The following DPP10 variants were observed in gnomAD, a reference collection of about 807,000 sequenced individuals.
DPP10 encodes the protein dipeptidyl peptidase like 10.
A neutral mutation model predicts 120.9 loss-of-function variants in DPP10; 33 were observed. The ratio of observed to expected loss-of-function variants is 0.27; its 90% CI spans 0.21 to 0.37. The LOEUF is 0.37. DPP10 is among the 10% of genes least tolerant of loss of function. DPP10 has a pLI of 1.00. For missense variants in DPP10, 816 were observed against 942.8 expected (o/e 0.87, Z 1.76); for synonymous variants, 337 against 326.1 (o/e 1.03, Z -0.36).
At chr2:114,909,881 A>C (rs1308761409) in intron 1 of DPP10, among the ~76,000 whole-genome samples, 1 of 151,746 alleles carries the variant, frequency 6.6e-6, no homozygotes, top group Non-Finnish European at 1.5e-5. Context: ...GGAAACATCT[A>C]AAAAAATAAG....
At chr2:114,833,952 G>C (rs1232945261) in intron 1 of DPP10, 1 of 152,008 alleles carries the variant, frequency 6.6e-6, no homozygotes, top group Non-Finnish European at 1.5e-5. Context: ...ATCTGCCAAA[G>C]TATAATGATT....
At chr2:114,891,288 C>T (rs992256957) in intron 1 of DPP10, among the ~76,000 whole-genome samples, 2 of 152,072 alleles carry the variant, frequency 1.3e-5, no homozygotes, top group East Asian at 1.9e-4. Flanking sequence ...AAGGGAAAAA[C>T]GCACCGTGGG....
At chr2:114,456,847 A>G (rs1033841435) in intron 1 of DPP10, among the ~76,000 whole-genome samples, 1 of 152,218 alleles carries the variant, frequency 6.6e-6, no homozygotes, top group African/African-American at 2.4e-5. Context: ...AAGCCAGCAT[A>G]AAGTGGGGAA....
chr2:114,982,522 T>C (rs1418305632), intron 1 of DPP10, among the ~76,000 whole-genome samples: 1 of 152,194 alleles, frequency 6.6e-6, no homozygotes, highest in Non-Finnish European at 1.5e-5. Flanking sequence ...AAGCCTTCTT[T>C]AAAATTAATG....
intron 1 of DPP10, among the ~76,000 whole-genome samples, chr2:114,550,186 C>T (rs749377810): frequency 2.6e-5 from 4 of 152,146 alleles, no homozygotes; most frequent in Admixed American, 6.5e-5. Context: ...GGAGACTTTA[C>T]TGTTCTTGCT....
At chr2:114,506,033 G>A (rs1002043980) in intron 1 of DPP10, among the ~76,000 whole-genome samples, 1 of 152,248 alleles carries the variant, frequency 6.6e-6, no homozygotes, top group Non-Finnish European at 1.5e-5. Flanking sequence ...AGAGATAGGA[G>A]GCAGGGGAAT....
intron 1 of DPP10, among the ~76,000 whole-genome samples, chr2:115,280,659 C>T (rs1009504195): frequency 6.6e-6 from 1 of 152,288 alleles, no homozygotes; most frequent in Non-Finnish European, 1.5e-5. Flanking sequence ...CTTGAGTTAA[C>T]CTTGGGGCAT....
At chr2:115,625,316 ACTGT>A (rs2085274821) in intron 5 of DPP10, among the ~76,000 whole-genome samples, 1 of 152,156 alleles carries the variant, frequency 6.6e-6, no homozygotes, top group Non-Finnish European at 1.5e-5. Flanking sequence ...ATTTAAAATT[ACTGT>A]AATTGCAAAA....
chr2:115,649,708 A>G (rs758703991), intron 5 of DPP10, among the ~76,000 whole-genome samples: 6 of 152,138 alleles, frequency 3.9e-5, no homozygotes, highest in African/African-American at 1.4e-4. Flanking sequence ...TTTATGCCCT[A>G]TATTATGTAG....
At chr2:114,988,914 G>T (rs755063269) in intron 1 of DPP10, among the ~76,000 whole-genome samples, 1 of 151,542 alleles carries the variant, frequency 6.6e-6, no homozygotes, top group African/African-American at 2.4e-5. Context: ...TGGTGAATTC[G>T]AATGCAAAGA....
chr2:114,540,236 C>T (rs1009641757), intron 1 of DPP10, among the ~76,000 whole-genome samples: 3 of 152,064 alleles, frequency 2.0e-5, no homozygotes, highest in African/African-American at 4.8e-5. Flanking sequence ...GTTTTAACTC[C>T]CTACATTGAC....
chr2:115,734,798 T>C (rs981684011), intron 8 of DPP10, among the ~76,000 whole-genome samples: 1 of 152,096 alleles, frequency 6.6e-6, no homozygotes, highest in Non-Finnish European at 1.5e-5. Context: ...TTAACCAAAT[T>C]GTAAGTTAGT....
intron 1 of DPP10, among the ~76,000 whole-genome samples, chr2:114,443,251 T>C (rs1382701600): frequency 6.6e-6 from 1 of 152,152 alleles, no homozygotes. Context: ...GGATCTCTTA[T>C]CCTTTTTTAA....
At chr2:114,741,186 C>T (rs552077964) in intron 1 of DPP10, among the ~76,000 whole-genome samples, 3 of 152,286 alleles carry the variant, frequency 2.0e-5, no homozygotes, top group South Asian at 4.1e-4. Context: ...GCCTGCACTC[C>T]TACATCTGTC....
chr2:114,930,557 G>T (rs183274314), intron 1 of DPP10, among the ~76,000 whole-genome samples: 1 of 152,148 alleles, frequency 6.6e-6, no homozygotes, highest in Non-Finnish European at 1.5e-5. Context: ...TCCATCTGAG[G>T]TGCCATCAGC....
chr2:115,332,199 A>G (rs1018825294), intron 2 of DPP10, among the ~76,000 whole-genome samples: 3 of 152,112 alleles, frequency 2.0e-5, no homozygotes, highest in Non-Finnish European at 4.4e-5. Flanking sequence ...TAGATTTTCT[A>G]GTTTATTTGC....
intron 7 of DPP10, among the ~76,000 whole-genome samples, chr2:115,720,946 G>A (rs1462812943): frequency 6.6e-6 from 1 of 152,138 alleles, no homozygotes; most frequent in East Asian, 1.9e-4. Flanking sequence ...AAAGAGCTGA[G>A]GATATGGTTG....
At chr2:115,446,535 C>A (rs914130397) in intron 3 of DPP10, among the ~76,000 whole-genome samples, 19 of 150,756 alleles carry the variant, frequency 1.3e-4, no homozygotes, top group Non-Finnish European at 8.9e-5. Flanking sequence ...CAGTCAGGAG[C>A]ACTCTCTCTT....
chr2:115,681,560 C>G (rs1287018821), intron 5 of DPP10, among the ~76,000 whole-genome samples: 1 of 151,766 alleles, frequency 6.6e-6, no homozygotes, highest in East Asian at 1.9e-4. Flanking sequence ...GGCTTAGCCT[C>G]AGGTAATAAC....
Sources: gnomAD v4.1 joint callset for allele counts (sites outside exome capture counted in the v4.1 genomes callset) on GRCh38, gnomAD v4.1.1 for gene constraint, MANE v1.5 for transcripts, NCBI Gene and HGNC (gene_info 2026-07-23, HGNC 2026-07-21) for gene names.